PTPRK: variants seen among roughly 807,000 people sequenced by gnomAD.
PTPRK encodes the protein protein tyrosine phosphatase receptor type K.
PTPRK carries 75 observed loss-of-function variants against 178.0 expected under a neutral mutation model. The ratio of observed to expected loss-of-function variants is 0.42; its 90% CI spans 0.35 to 0.51. PTPRK has a LOEUF of 0.51. PTPRK is among the 20% of genes least tolerant of loss of function. PTPRK has a pLI of 0.02. For synonymous variants in PTPRK, 637 were observed against 620.6 expected, an observed-to-expected ratio of 1.03 and a Z score of -0.39; for missense variants, 1,441 against 1,797.8, an observed-to-expected ratio of 0.80 and a Z score of 3.59.
intron 13 of PTPRK, among the ~76,000 whole-genome samples, chr6:128,049,970 C>A (rs1192483554): frequency 6.6e-6 from 1 of 152,126 alleles, no homozygotes; most frequent in Non-Finnish European, 1.5e-5. Context: ...AACGCCATCT[C>A]TACTAAAAAT....
chr6:128,013,174 G>T (rs1779232599), intron 13 of PTPRK, among the ~76,000 whole-genome samples: 1 of 151,228 alleles, frequency 6.6e-6, no homozygotes, highest in Admixed American at 6.6e-5. Flanking sequence ...CCATGAACTT[G>T]GGTACCTCCT....
intron 3 of PTPRK, among the ~76,000 whole-genome samples, chr6:128,274,514 G>A (rs763316303): frequency 1.3e-5 from 2 of 151,910 alleles, no homozygotes; most frequent in Admixed American, 6.6e-5. Context: ...ACTACTTTCC[G>A]GGATCTACAA....
At chr6:128,341,889 C>G (rs576074120) in intron 2 of PTPRK, among the ~76,000 whole-genome samples, 1 of 152,128 alleles carries the variant, frequency 6.6e-6, no homozygotes, top group Non-Finnish European at 1.5e-5. Context: ...CCTTATTTCT[C>G]TTTGCTATGT....
intron 1 of PTPRK, among the ~76,000 whole-genome samples, chr6:128,420,944 C>A (rs62425725): frequency 0.041 from 6,214 of 152,184 alleles, 192 homozygotes; most frequent in Non-Finnish European, 0.063. Flanking sequence ...TTGGAAGAGA[C>A]CTTCTGTGCC....
chr6:128,165,683 AT>A (rs1001068007), intron 7 of PTPRK, among the ~76,000 whole-genome samples: 2 of 151,292 alleles, frequency 1.3e-5, no homozygotes, highest in South Asian at 4.2e-4. Context: ...TCATAAGATG[AT>A]TTTTTTTCCT....
chr6:128,472,428 C>T (rs1297753162), intron 1 of PTPRK, among the ~76,000 whole-genome samples: 4 of 149,924 alleles, frequency 2.7e-5, no homozygotes, highest in South Asian at 2.2e-4. Flanking sequence ...ACACCCCCCC[C>T]CCCTTTAGCT....
intron 1 of PTPRK, among the ~76,000 whole-genome samples, chr6:128,499,202 G>A (rs1855183444): frequency 6.6e-6 from 1 of 151,620 alleles, no homozygotes; most frequent in Non-Finnish European, 1.5e-5. Context: ...CTGTCATAAA[G>A]AAGAAACAAA....
intron 21 of PTPRK, among the ~76,000 whole-genome samples, chr6:127,988,793 TTTTTC>T (rs771367107): frequency 6.6e-6 from 1 of 151,964 alleles, no homozygotes; most frequent in Non-Finnish European, 1.5e-5. Context: ...ATAAACAAGC[TTTTTC>T]TTTTTTCTCA....
At chr6:128,292,519 C>T (rs1823557262) in intron 3 of PTPRK, among the ~76,000 whole-genome samples, 1 of 151,930 alleles carries the variant, frequency 6.6e-6, no homozygotes, top group African/African-American at 2.4e-5. Context: ...GTTTCTATTT[C>T]AGATATTATT....
Position 128,520,502 on chromosome 6 carries a change from G to C in PTPRK, c.-144C>G. ...GCCCGCCCGCCCTTTTTCCTTCTTC[G>C]CGGTCGCCAAACTACCTCAGGGGCG... On this transcript the variant is annotated 5_prime_UTR_variant, in exon 1 of 30. Transcript: ENST00000368226. 1.3e-6 allele frequency: 1 copy of C among 749,052 alleles called. No individual in the cohort carries two copies. Among genetic ancestry groups the C allele is most frequent in the Non-Finnish European group, 2.2e-6 (1 of 455,818 alleles). The allele number at this position is 749,052 out of a possible 1,614,324, so 46.4% of individuals were successfully genotyped here. A position where few individuals can be genotyped will look rare whatever the true frequency, so the allele number is the denominator to read the frequency against.
chr6:128,080,072 G>C (rs746019736), intron 10 of PTPRK, among the ~76,000 whole-genome samples: 31 of 151,772 alleles, frequency 2.0e-4, no homozygotes, highest in Admixed American at 8.6e-4. Flanking sequence ...GATGAAACCA[G>C]AAGGCTCAGG....
chr6:128,048,694 C>T (rs1342852015), intron 13 of PTPRK, among the ~76,000 whole-genome samples: 1 of 152,212 alleles, frequency 6.6e-6, no homozygotes, highest in South Asian at 2.1e-4. Context: ...CACAGACTTA[C>T]ACTGTATTTG....
chr6:128,267,922 A>G (rs1819207591), intron 3 of PTPRK, among the ~76,000 whole-genome samples: 1 of 152,036 alleles, frequency 6.6e-6, no homozygotes, highest in Non-Finnish European at 1.5e-5. Flanking sequence ...TCACTATTAC[A>G]TCAACTACTG....
At chr6:128,395,532 T>C (rs1181403057) in intron 2 of PTPRK, among the ~76,000 whole-genome samples, 4 of 152,172 alleles carry the variant, frequency 2.6e-5, no homozygotes, top group Non-Finnish European at 5.9e-5. Context: ...CTTATTATTC[T>C]ATGATGATAA....
intron 3 of PTPRK, among the ~76,000 whole-genome samples, chr6:128,315,177 T>A (rs536273183): frequency 6.6e-6 from 1 of 152,128 alleles, no homozygotes; most frequent in South Asian, 2.1e-4. Flanking sequence ...AACCATGGTA[T>A]CTGTTTCTAA....
At chr6:128,331,533 A>G (rs1230127306) in intron 2 of PTPRK, among the ~76,000 whole-genome samples, 1 of 152,140 alleles carries the variant, frequency 6.6e-6, no homozygotes, top group African/African-American at 2.4e-5. Flanking sequence ...TTCAATCTTG[A>G]GAATAACCCT....
intron 5 of PTPRK, among the ~76,000 whole-genome samples, chr6:128,228,833 C>G: frequency 6.6e-6 from 1 of 152,162 alleles, no homozygotes. Context: ...ATTTGCATAT[C>G]TAGAAAAAAT....
chr6:128,399,986 C>T lies in PTPRK; in HGVS notation c.101-2298G>A, dbSNP rs530736121. 5.9e-5 allele frequency among the ~76,000 whole-genome samples: 9 copies of T among 152,148 alleles called. No individual in the cohort carries two copies. In the South Asian group the frequency reaches 1.9e-3, roughly 32 times the overall value. ...TTACAACAAGGTCTAATCCAAGAGG[C>T]ATAAAATATAGCATACTAATAAAAC... is the stretch of plus-strand genomic sequence containing the variant. On this transcript the variant is annotated intron_variant, in intron 1 of 29. Coordinates refer to ENST00000368226, the MANE Select transcript of PTPRK (RefSeq NM_002844.4).
intron 7 of PTPRK, among the ~76,000 whole-genome samples, chr6:128,124,896 T>C (rs1793091232): frequency 6.6e-6 from 1 of 152,214 alleles, no homozygotes; most frequent in East Asian, 1.9e-4. Context: ...GTCATGAGCC[T>C]GCTGCCCTTT....
Sources: allele counts gnomAD v4.1 joint callset (sites outside exome capture counted in the v4.1 genomes callset), GRCh38; gene constraint gnomAD v4.1.1; transcripts MANE v1.5; gene names NCBI Gene and HGNC (gene_info 2026-07-23, HGNC 2026-07-21).